CUX1: variants seen among roughly 807,000 people sequenced by gnomAD.
The protein encoded by CUX1 is protein CASP.
In CUX1, 31 loss-of-function variants were observed where a neutral mutation model predicts 158.8. The observed-to-expected ratio is 0.20, with a 90% CI of 0.15 to 0.26. CUX1 has a LOEUF of 0.26. CUX1 is among the 10% of genes least tolerant of loss of function. CUX1 has a pLI of 1.00. For synonymous variants in CUX1, 879 were observed against 862.1 expected (o/e 1.02, Z -0.34); for missense variants, 1,589 against 2,014.6 (o/e 0.79, Z 4.04).
intron 1 of CUX1, among the ~76,000 whole-genome samples, chr7:101,904,586 TCAGA>T (rs1463688064): frequency 6.9e-6 from 1 of 144,686 alleles, no homozygotes; most frequent in Non-Finnish European, 1.5e-5. Flanking sequence ...TTTTTTTTTT[TCAGA>T]CAGAGTCTCA....
intron 2 of CUX1, among the ~76,000 whole-genome samples, chr7:101,939,926 C>G (rs1807497649): frequency 6.6e-6 from 1 of 151,996 alleles, no homozygotes; most frequent in South Asian, 2.1e-4. Context: ...ACTAAAAAGA[C>G]AAAAATTAGC....
chr7:102,052,028 A>G (rs567521072), intron 3 of CUX1, among the ~76,000 whole-genome samples: 2 of 152,228 alleles, frequency 1.3e-5, no homozygotes, highest in African/African-American at 2.4e-5. Flanking sequence ...CCTGGCCAAC[A>G]TGGCGAAACC....
At chr7:102,109,335 TACAAAG>T (rs1216976211) in intron 6 of CUX1, among the ~76,000 whole-genome samples, 1 of 152,206 alleles carries the variant, frequency 6.6e-6, no homozygotes, top group Non-Finnish European at 1.5e-5. Context: ...AGGCATGTCA[TACAAAG>T]AGAAATAACA....
intron 1 of CUX1, among the ~76,000 whole-genome samples, chr7:101,846,132 C>T (rs945576434): frequency 1.3e-5 from 2 of 152,106 alleles, no homozygotes; most frequent in East Asian, 1.9e-4. Flanking sequence ...TAAATGAGCA[C>T]TGGTCTGGAT....
intron 2 of CUX1, among the ~76,000 whole-genome samples, chr7:101,989,091 C>G (rs560592537): frequency 3.3e-5 from 5 of 152,266 alleles, no homozygotes; most frequent in African/African-American, 1.2e-4. Flanking sequence ...AGATTCTGCT[C>G]CTCCTCCAAG....
intron 7 of CUX1, among the ~76,000 whole-genome samples, chr7:102,112,953 G>T (rs1455300423): frequency 1.3e-5 from 2 of 152,060 alleles, no homozygotes; most frequent in African/African-American, 4.8e-5. Flanking sequence ...GACATCAGAA[G>T]TCATAATTCA....
intron 4 of CUX1, among the ~76,000 whole-genome samples, chr7:102,093,023 T>C (rs1186652056): frequency 6.6e-6 from 1 of 151,952 alleles, no homozygotes; most frequent in Admixed American, 6.6e-5. Flanking sequence ...CGTTTGTCAT[T>C]TACATGCATG....
Position 101,844,567 on chromosome 7 carries a change from A to C in CUX1, c.30+26898A>C, listed in dbSNP as rs188580743. 3.9e-5 allele frequency among the ~76,000 whole-genome samples: 6 copies of C among 151,926 alleles called. 1 individual carries two copies. The highest frequency in any genetic ancestry group is 3.3e-4 in the Admixed American group (5 of 15,232). On this transcript the variant is annotated intron_variant, in intron 1 of 23. Transcript: ENST00000292535. Reference sequence around the variant, plus strand: ...GGAGGGAAGTCTGGTTTTTCTTTTTATCCCTGTCTTCATTCTTTTTTCTTT... The same window carrying C: ...GGAGGGAAGTCTGGTTTTTCTTTTTCTCCCTGTCTTCATTCTTTTTTCTTT...
At position 102,160,190 on chromosome 7, in the gene CUX1, A is replaced by T. The variant is rs4994867; in HGVS notation, c.723+1582A>T. 5.3e-5 allele frequency among the ~76,000 whole-genome samples: 8 copies of T among 151,658 alleles called. No individual in the cohort carries two copies. The South Asian group carries it at 6.2e-4, about 12-fold the overall frequency. On this transcript the variant is annotated intron_variant, in intron 9 of 23. Transcript: ENST00000292535. ...CGAGAATCTGTCTAAAAAAAAAAAA[A>T]AGCAGTTACTGGAAGGAGTTACCTT...
chr7:102,063,383 C>CTTTTTT (rs11368644), intron 3 of CUX1, among the ~76,000 whole-genome samples: 4,994 of 88,828 alleles, frequency 0.056, 23 homozygotes, highest in East Asian at 0.11. Flanking sequence ...ATTTCCTTTT[C>CTTTTTT]TTTTTTTTTT....
At chr7:102,279,218 G>C (rs534378699) in intron 18 of CUX1, among the ~76,000 whole-genome samples, 1 of 152,246 alleles carries the variant, frequency 6.6e-6, no homozygotes, top group East Asian at 1.9e-4. Flanking sequence ...TCATGCACCT[G>C]TAATCCCAGC....
intron 9 of CUX1, among the ~76,000 whole-genome samples, chr7:102,167,554 C>A (rs561333724): frequency 6.6e-6 from 1 of 152,312 alleles, no homozygotes; most frequent in African/African-American, 2.4e-5. Context: ...AGCTTCTCCA[C>A]TAGGCTAAGA....
chr7:102,136,379 G>A (rs375151945), intron 8 of CUX1, among the ~76,000 whole-genome samples: 7 of 150,952 alleles, frequency 4.6e-5, no homozygotes, highest in East Asian at 1.9e-4. Context: ...TATGCATCTC[G>A]TCATTTTACC....
chr7:102,235,299 T>C (rs1469414847), intron 22 of CUX1, among the ~76,000 whole-genome samples: 1 of 152,148 alleles, frequency 6.6e-6, no homozygotes, highest in Non-Finnish European at 1.5e-5. Context: ...ACTGGGCGGC[T>C]GAACTGCATC....
At chr7:102,122,145 A>T (rs1832115264) in intron 8 of CUX1, among the ~76,000 whole-genome samples, 1 of 152,190 alleles carries the variant, frequency 6.6e-6, no homozygotes, top group Non-Finnish European at 1.5e-5. Context: ...CAACTTAAGC[A>T]TCCTGAAAAC....
intron 1 of CUX1, among the ~76,000 whole-genome samples, chr7:101,835,828 C>G (rs370556144): frequency 3.3e-5 from 5 of 152,128 alleles, no homozygotes; most frequent in Non-Finnish European, 5.9e-5. Flanking sequence ...CTCCATCTCC[C>G]GGGTTCAAGC....
intron 2 of CUX1, among the ~76,000 whole-genome samples, chr7:101,917,378 G>GT (rs1420915963): frequency 6.6e-6 from 1 of 152,222 alleles, no homozygotes; most frequent in African/African-American, 2.4e-5. Flanking sequence ...TGGTAGCAGA[G>GT]TAGAAAGAAG....
chr7:102,192,238 C>T (rs1385027159), intron 12 of CUX1, among the ~76,000 whole-genome samples: 1 of 152,176 alleles, frequency 6.6e-6, no homozygotes, highest in South Asian at 2.1e-4. Context: ...CCTTCAGGGC[C>T]CTTCTCCAAT....
At chr7:102,154,581 A>G (rs1163732586) in intron 8 of CUX1, 3 of 151,506 alleles carry the variant, frequency 2.0e-5, no homozygotes, top group African/African-American at 2.4e-5. Context: ...TGATCACACC[A>G]CTGTACTCCA....
Sources: gnomAD v4.1 joint callset for allele counts (sites outside exome capture counted in the v4.1 genomes callset) on GRCh38, gnomAD v4.1.1 for gene constraint, MANE v1.5 for transcripts, NCBI Gene and HGNC (gene_info 2026-07-23, HGNC 2026-07-21) for gene names.